The following CTNNA2 variants were observed in gnomAD, a reference collection of about 807,000 sequenced individuals.
The protein encoded by CTNNA2 is catenin alpha 2, also known as catenin alpha-2.
A neutral mutation model predicts 101.0 loss-of-function variants in CTNNA2; 42 were observed. The ratio of observed to expected loss-of-function variants is 0.42; its 90% CI spans 0.32 to 0.54. The LOEUF (loss-of-function observed/expected upper bound fraction) is 0.54. CTNNA2 is among the 20% of genes least tolerant of loss of function. The pLI, the probability that CTNNA2 is intolerant of heterozygous loss-of-function variation, is 0.14. For synonymous variants in CTNNA2, 450 were observed against 456.4 expected, an observed-to-expected ratio of 0.99 and a Z score of 0.18; for missense variants, 871 against 1,223.1, an observed-to-expected ratio of 0.71 and a Z score of 4.29.
chr2:79,411,056 C>T (rs1377363960), intron 4 of CTNNA2, among the ~76,000 whole-genome samples: 1 of 152,078 alleles, frequency 6.6e-6, no homozygotes, highest in Admixed American at 6.6e-5. Flanking sequence ...GGAATTTATC[C>T]ATTTCTTCTA....
At chr2:80,168,079 T>C (rs1421126748) in intron 7 of CTNNA2, among the ~76,000 whole-genome samples, 1 of 152,194 alleles carries the variant, frequency 6.6e-6, no homozygotes, top group Non-Finnish European at 1.5e-5. Flanking sequence ...GGAATGGCTG[T>C]ACGTTTGTTT....
chr2:79,703,774 C>T lies in CTNNA2; in HGVS notation c.103-40613C>T, dbSNP rs541008430. On this transcript the variant is annotated intron_variant, in intron 2 of 18. Coordinates refer to ENST00000402739, the MANE Select transcript of CTNNA2 (RefSeq NM_001282597.3). ...TTTAAGGACTTCTACATTAAAATCT[C>T]TTATTCTGGTAACAGAAGTCAATGA... 1.1e-4 allele frequency among the ~76,000 whole-genome samples: 16 copies of T among 152,264 alleles called. No homozygotes were observed. In the South Asian group the frequency reaches 2.7e-3, roughly 26 times the overall value.
chr2:80,015,397 C>A (rs1430375939), intron 7 of CTNNA2, among the ~76,000 whole-genome samples: 1 of 152,140 alleles, frequency 6.6e-6, no homozygotes, highest in East Asian at 1.9e-4. Flanking sequence ...ACAGCCATTG[C>A]ATCAAGCAAT....
At chr2:80,601,741 T>A (rs1053025785) in intron 15 of CTNNA2, 17 of 151,198 alleles carry the variant, frequency 1.1e-4, no homozygotes, top group Non-Finnish European at 2.1e-4. Flanking sequence ...TATCCATAAT[T>A]TCTAGTGTTT....
rs565500868 is a variant in CTNNA2 at position 80,591,684 on chromosome 2, G to T, written c.2189+2199G>T. ...GTAGCTGATTAGGAATTGAAACTTG[G>T]CCACTCTCCATAATGTGTATGTGTA... On this transcript the variant is annotated intron_variant, in intron 15 of 18. Transcript: ENST00000402739. Among the ~76,000 whole-genome samples the T allele has an allele frequency of 3.3e-5, 5 of 151,782 alleles. No individual in the cohort carries two copies. In the South Asian group the frequency reaches 1.0e-3, roughly 32 times the overall value.
At chr2:80,255,624 C>T (rs1672083866) in intron 7 of CTNNA2, among the ~76,000 whole-genome samples, 1 of 152,146 alleles carries the variant, frequency 6.6e-6, no homozygotes, top group Non-Finnish European at 1.5e-5. Context: ...GTACTTCTCT[C>T]CTACCGCAAC....
rs56987036 is a variant in CTNNA2, at chr2:80,619,022, C to CT, written c.2431-50dup. 382,243 of 873,332 alleles carry CT rather than the reference C, an allele frequency of 0.44. 31,088 individuals carry two copies. The highest frequency in any genetic ancestry group is 0.49 in the East Asian group (13,770 of 27,986). 54.1% of individuals were successfully genotyped at this position (873,332 alleles called of 1,614,324 possible). ...CCCTAATCCCTTCCCAAGTAGGGTA[C>CT]TTTTTTTTTTTTTCTTTTGCTCTCT... is the stretch of plus-strand genomic sequence containing the variant. On this transcript the variant is annotated intron_variant, in intron 17 of 18. Transcript: ENST00000402739.
intron 4 of CTNNA2, among the ~76,000 whole-genome samples, chr2:79,418,658 C>T (rs1046821426): frequency 2.6e-5 from 4 of 152,030 alleles, no homozygotes; most frequent in African/African-American, 7.2e-5. Context: ...AGAATGGAGA[C>T]AGAAGACTTT....
chr2:79,947,550 C>T (rs182014416), intron 7 of CTNNA2, among the ~76,000 whole-genome samples: 1 of 152,228 alleles, frequency 6.6e-6, no homozygotes, highest in East Asian at 1.9e-4. Flanking sequence ...ATTTGCATTG[C>T]CATTGAACAG....
intron 9 of CTNNA2, among the ~76,000 whole-genome samples, chr2:80,501,028 A>T (rs138512270): frequency 6.6e-6 from 1 of 152,220 alleles, no homozygotes; most frequent in Non-Finnish European, 1.5e-5. Context: ...TTCAAATGTA[A>T]TGAATCTCTT....
chr2:80,395,878 A>G (rs532496353), intron 8 of CTNNA2, among the ~76,000 whole-genome samples: 1 of 152,330 alleles, frequency 6.6e-6, no homozygotes, highest in African/African-American at 2.4e-5. Flanking sequence ...GGTGAAATCA[A>G]ATATTTTAGT....
intron 4 of CTNNA2, among the ~76,000 whole-genome samples, chr2:79,424,607 G>C (rs1360705973): frequency 1.3e-5 from 2 of 152,066 alleles, no homozygotes; most frequent in Non-Finnish European, 2.9e-5. Flanking sequence ...ATCTGAATAA[G>C]TGAGTCATTT....
At chr2:79,669,549 C>T (rs1025635975) in intron 2 of CTNNA2, among the ~76,000 whole-genome samples, 2 of 152,144 alleles carry the variant, frequency 1.3e-5, no homozygotes, top group African/African-American at 2.4e-5. Context: ...CAGCTCCGCT[C>T]TATAGGCAGA....
At chr2:80,528,680 AAAATAAATAAAT>A (rs557880261) in intron 9 of CTNNA2, among the ~76,000 whole-genome samples, 1 of 152,074 alleles carries the variant, frequency 6.6e-6, no homozygotes, top group Non-Finnish European at 1.5e-5. Context: ...CCCCACCAAA[AAAATAAATAAAT>A]AAATAAATAA....
intron 1 of CTNNA2, among the ~76,000 whole-genome samples, chr2:79,566,198 A>G (rs1474201678): frequency 6.6e-6 from 1 of 152,170 alleles, no homozygotes; most frequent in Non-Finnish European, 1.5e-5. Context: ...CAGTTCCATA[A>G]TGCCAGCTAC....
chr2:80,351,399 T>A (rs146711019), intron 7 of CTNNA2, among the ~76,000 whole-genome samples: 1 of 152,242 alleles, frequency 6.6e-6, no homozygotes, highest in African/African-American at 2.4e-5. Context: ...GGGTTGCAGA[T>A]GAGAATAAAA....
At chr2:79,300,093 T>C (rs1676074850) in intron 2 of CTNNA2, among the ~76,000 whole-genome samples, 1 of 152,184 alleles carries the variant, frequency 6.6e-6, no homozygotes, top group Admixed American at 6.5e-5. Flanking sequence ...AAAAGACATG[T>C]ATCTACCAAT....
intron 7 of CTNNA2, among the ~76,000 whole-genome samples, chr2:80,272,801 G>A (rs1673600865): frequency 6.6e-6 from 1 of 152,154 alleles, no homozygotes; most frequent in African/African-American, 2.4e-5. Flanking sequence ...TGGTCATTCT[G>A]TATTTGTGTT....
chr2:80,468,411 C>CATTT (rs142332858), intron 9 of CTNNA2, among the ~76,000 whole-genome samples: 4,232 of 151,298 alleles, frequency 0.028, 186 homozygotes, highest in African/African-American at 0.098. Flanking sequence ...TGCTATTTTT[C>CATTT]ATTTATTTAT....
Sources: allele counts gnomAD v4.1 joint callset (sites outside exome capture counted in the v4.1 genomes callset), GRCh38; gene constraint gnomAD v4.1.1; transcripts MANE v1.5; gene names NCBI Gene and HGNC (gene_info 2026-07-23, HGNC 2026-07-21).